Variants in TCERG1L observed in about 807,000 individuals in gnomAD.
TCERG1L encodes the protein transcription elongation regulator 1 like.
In TCERG1L, 37 loss-of-function variants were observed where a neutral mutation model predicts 56.3. The ratio of observed to expected loss-of-function variants is 0.66; its 90% confidence interval spans 0.51 to 0.87. The LOEUF is 0.87. Ranked by LOEUF, TCERG1L falls within the 40% of genes least tolerant of loss-of-function variation. The pLI, the probability that TCERG1L is intolerant of heterozygous loss-of-function variation, is 0.00. For synonymous variants in TCERG1L, 324 were observed against 326.3 expected (o/e 0.99, Z 0.08); for missense variants, 799 against 774.2 (o/e 1.03, Z -0.38).
At chr10:131,203,549 T>C (rs911545996) in intron 4 of TCERG1L, among the ~76,000 whole-genome samples, 1 of 152,178 alleles carries the variant, frequency 6.6e-6, no homozygotes, top group African/African-American at 2.4e-5. Context: ...AACGCCCCCG[T>C]CATGTCAACC....
intron 3 of TCERG1L, among the ~76,000 whole-genome samples, chr10:131,271,300 T>C (rs910645131): frequency 2.0e-5 from 3 of 152,208 alleles, no homozygotes; most frequent in African/African-American, 4.8e-5. Context: ...CAAGCCCCAC[T>C]GTGCCGGCTC....
At chr10:131,119,774 C>T (rs1325109139) in intron 8 of TCERG1L, among the ~76,000 whole-genome samples, 4 of 152,238 alleles carry the variant, frequency 2.6e-5, no homozygotes, top group South Asian at 4.1e-4. Flanking sequence ...GCTCAACCCA[C>T]GGTTTTCCTG....
chr10:131,224,548 G>A (rs2133501657), intron 4 of TCERG1L, among the ~76,000 whole-genome samples: 1 of 152,306 alleles, frequency 6.6e-6, no homozygotes, highest in East Asian at 1.9e-4. Flanking sequence ...GATTGACAGC[G>A]AGATGTCTGT....
chr10:131,208,883 G>A (rs1440587925), intron 4 of TCERG1L, among the ~76,000 whole-genome samples: 1 of 151,934 alleles, frequency 6.6e-6, no homozygotes, highest in African/African-American at 2.4e-5. Flanking sequence ...TGGTAAAACC[G>A]CGTCTCTACT....
At chr10:131,110,537 C>T (rs1291847861) in intron 9 of TCERG1L, among the ~76,000 whole-genome samples, 3 of 152,198 alleles carry the variant, frequency 2.0e-5, no homozygotes, top group East Asian at 3.9e-4. Flanking sequence ...GAAGAGACCC[C>T]AAAGCACGGC....
intron 4 of TCERG1L, among the ~76,000 whole-genome samples, chr10:131,197,041 C>T (rs1286157265): frequency 6.6e-6 from 1 of 152,126 alleles, no homozygotes; most frequent in Non-Finnish European, 1.5e-5. Context: ...AGTCCATGCC[C>T]CCCTCACCCT....
Position 131,191,295 on chromosome 10 carries a change from G to A in TCERG1L, c.857-24410C>T, listed in dbSNP as rs1406205044. 2.1e-5 allele frequency among the ~76,000 whole-genome samples: 3 copies of A among 143,924 alleles called. No individual in the cohort carries two copies. In the East Asian group the frequency reaches 5.8e-4, roughly 28 times the overall value. The allele number at this position is 143,924 out of a possible 152,430, so 94.4% of individuals were successfully genotyped here. ...TTGGAAGAATCAGTATTATGAAAATGACCATACTGCCAAAAGCAATCTGCA... is the reference window on the plus strand; with the variant it reads ...TTGGAAGAATCAGTATTATGAAAATAACCATACTGCCAAAAGCAATCTGCA... On this transcript the variant is annotated intron_variant, in intron 4 of 11. Transcript: ENST00000368642.
chr10:131,206,530 G>A (rs1451275846), intron 4 of TCERG1L, among the ~76,000 whole-genome samples: 3 of 152,248 alleles, frequency 2.0e-5, no homozygotes, highest in Non-Finnish European at 2.9e-5. Flanking sequence ...GCGGCTGCCC[G>A]CCAGGCCTTG....
chr10:131,096,883 CAA>C (rs35527542), intron 11 of TCERG1L, among the ~76,000 whole-genome samples: 247 of 134,682 alleles, frequency 1.8e-3, no homozygotes, highest in Non-Finnish European at 2.5e-3. Flanking sequence ...GACTCCATCT[CAA>C]AAAAAAAAAA....
At chr10:131,124,723 G>GACA (rs1005536548) in intron 8 of TCERG1L, among the ~76,000 whole-genome samples, 2 of 152,084 alleles carry the variant, frequency 1.3e-5, no homozygotes, top group East Asian at 1.9e-4. Flanking sequence ...TCCCCCAAAT[G>GACA]ACAACAACAA....
intron 8 of TCERG1L, among the ~76,000 whole-genome samples, chr10:131,132,520 G>A (rs552686764): frequency 2.0e-5 from 3 of 152,338 alleles, no homozygotes; most frequent in South Asian, 4.1e-4. Context: ...CAGCTGCTTC[G>A]GATCCCGCCT....
chr10:131,275,844 A>G (rs75758101), intron 3 of TCERG1L, among the ~76,000 whole-genome samples: 3,078 of 152,298 alleles, frequency 0.02, 78 homozygotes, highest in East Asian at 0.077. Context: ...AGATGGCAGT[A>G]GGCTCTCTGG....
chr10:131,099,301 C>T (rs1407200221), intron 10 of TCERG1L, among the ~76,000 whole-genome samples: 1 of 152,038 alleles, frequency 6.6e-6, no homozygotes, highest in African/African-American at 2.4e-5. Flanking sequence ...AGAACCTCTT[C>T]TCTGTCAGGG....
At chr10:131,172,599 G>T (rs542832657) in intron 4 of TCERG1L, among the ~76,000 whole-genome samples, 2 of 152,180 alleles carry the variant, frequency 1.3e-5, no homozygotes, top group Non-Finnish European at 2.9e-5. Flanking sequence ...TGCTCCACGC[G>T]CGCTGGCTCC....
At chr10:131,202,002 G>A (rs1005710088) in intron 4 of TCERG1L, among the ~76,000 whole-genome samples, 3 of 152,208 alleles carry the variant, frequency 2.0e-5, no homozygotes, top group African/African-American at 2.4e-5. Flanking sequence ...CCTGTAATGC[G>A]TTTCCGATGA....
At chr10:131,302,071 A>G (rs1398985096) in intron 3 of TCERG1L, among the ~76,000 whole-genome samples, 1 of 152,092 alleles carries the variant, frequency 6.6e-6, no homozygotes, top group Non-Finnish European at 1.5e-5. Flanking sequence ...CGCTTTTTTA[A>G]GAACATCTTT....
chr10:131,116,836 C>T lies in TCERG1L; in HGVS notation c.1358G>A (p.Arg453His), dbSNP rs369422870. 9 of 1,576,106 alleles carry T rather than the reference C, an allele frequency of 5.7e-6. No homozygotes were observed. The African/African-American group carries it at 8.1e-5, about 14-fold the overall frequency. Residue 453 changes from arginine to histidine, a missense_variant, in exon 9 of 12, where the codon CGT (arginine) becomes CAT (histidine). Physicochemically the swap from Arg to His is conservative, Grantham distance 29 (BLOSUM62 0). Transcript: ENST00000368642. The stretch of plus-strand genomic sequence containing the variant: ...CAGCATGTCTCGGAAGTGGGTCACA[C>T]GCTCCTCCAGAGGCAGGAGGATCTG... ...PPQILLPLEE[R>H]VTHFRDMLLE...
At chr10:131,180,683 G>A (rs905550993) in intron 4 of TCERG1L, among the ~76,000 whole-genome samples, 5 of 152,120 alleles carry the variant, frequency 3.3e-5, no homozygotes, top group Non-Finnish European at 7.4e-5. Context: ...TCACACATTC[G>A]TTATCTCAGC....
chr10:131,167,320 A>C (rs1435349081), intron 4 of TCERG1L, among the ~76,000 whole-genome samples: 1 of 152,226 alleles, frequency 6.6e-6, no homozygotes, highest in Non-Finnish European at 1.5e-5. Context: ...TCACACTCGC[A>C]GCCCAGTGGG....
Sources: allele counts gnomAD v4.1 joint callset (sites outside exome capture counted in the v4.1 genomes callset), GRCh38; gene constraint gnomAD v4.1.1; transcripts MANE v1.5; gene names NCBI Gene and HGNC (gene_info 2026-07-23, HGNC 2026-07-21).